RASAL2: variants seen among roughly 807,000 people sequenced by gnomAD.
RASAL2 encodes the protein RAS protein activator like 2, also known as ras GTPase-activating protein nGAP.
A neutral mutation model predicts 128.9 loss-of-function variants in RASAL2; 58 were observed. The ratio of observed to expected loss-of-function variants is 0.45; its 90% CI spans 0.36 to 0.56. The LOEUF (loss-of-function observed/expected upper bound fraction) is 0.56. RASAL2 is among the 20% of genes least tolerant of loss of function. The pLI is 0.00. For synonymous variants in RASAL2, 561 were observed against 580.8 expected, an observed-to-expected ratio of 0.97 and a Z score of 0.49; for missense variants, 1,360 against 1,601.6, an observed-to-expected ratio of 0.85 and a Z score of 2.57.
intron 3 of RASAL2, among the ~76,000 whole-genome samples, chr1:178,337,296 T>A (rs1375734076): frequency 6.6e-6 from 1 of 152,230 alleles, no homozygotes; most frequent in Non-Finnish European, 1.5e-5. Flanking sequence ...AGCAGAAGTA[T>A]GTATGTATGT....
intron 1 of RASAL2, among the ~76,000 whole-genome samples, chr1:178,240,052 A>G (rs1664429982): frequency 6.6e-6 from 1 of 151,982 alleles, no homozygotes. Context: ...ATACTTGATT[A>G]TTTTGTCTTT....
At chr1:178,161,291 A>G (rs1258446243) in intron 1 of RASAL2, among the ~76,000 whole-genome samples, 1 of 152,138 alleles carries the variant, frequency 6.6e-6, no homozygotes, top group African/African-American at 2.4e-5. Flanking sequence ...CCCCTCCCTC[A>G]GGCCCTGGCA....
chr1:178,265,224 A>G (rs2102148758), intron 1 of RASAL2, among the ~76,000 whole-genome samples: 1 of 152,226 alleles, frequency 6.6e-6, no homozygotes, highest in East Asian at 1.9e-4. Flanking sequence ...GGAACTATAT[A>G]GTCATGGTTC....
intron 17 of RASAL2, chr1:178,470,603 G>A (rs529669026): frequency 6.8e-4 from 723 of 1,062,386 alleles, no homozygotes; most frequent in South Asian, 1.8e-3. Flanking sequence ...TGACTCAGGT[G>A]GAGAACAGAG....
At chr1:178,166,504 T>C (rs2101903454) in intron 1 of RASAL2, among the ~76,000 whole-genome samples, 1 of 152,252 alleles carries the variant, frequency 6.6e-6, no homozygotes, top group East Asian at 1.9e-4. Flanking sequence ...CTTATGTGAG[T>C]AAATGAAGCC....
intron 2 of RASAL2, among the ~76,000 whole-genome samples, chr1:178,296,974 A>AT (rs71108042): frequency 0.25 from 37,225 of 147,768 alleles, 7,224 homozygotes; most frequent in African/African-American, 0.55. Flanking sequence ...CACCCAGCCA[A>AT]TTTTTTTTTT....
In RASAL2 at chr1:178,110,637, C is replaced by CATATATATATATATATATATAT. The variant is rs1553250958; in HGVS notation, c.202+15959_202+15960insATATATATATATATATATATAT. Among the ~76,000 whole-genome samples, 28 of 15,642 alleles carry CATATATATATATATATATATAT rather than the reference C, an allele frequency of 1.8e-3. No homozygotes were observed. The South Asian group carries it at 0.041, about 23-fold the overall frequency. The allele number at this position is 15,642 out of a possible 152,430, so 10.3% of individuals were successfully genotyped here. ...CTATATACACTATATATAGTGTATA[C>CATATATATATATATATATATAT]ATATATATATATATATGTATGTATA... On this transcript the variant is annotated intron_variant, in intron 1 of 17. Coordinates refer to ENST00000367649, the MANE Select transcript of RASAL2 (RefSeq NM_170692.4).
At chr1:178,341,618 T>C (rs753517243) in intron 3 of RASAL2, 1 of 1,613,962 alleles carries the variant, frequency 6.2e-7, no homozygotes, top group Non-Finnish European at 8.5e-7. Flanking sequence ...GGTAAGAGTT[T>C]GTAGAGTCTG....
At chr1:178,109,017 T>C (rs1402099568) in intron 1 of RASAL2, among the ~76,000 whole-genome samples, 1 of 152,198 alleles carries the variant, frequency 6.6e-6, no homozygotes, top group Non-Finnish European at 1.5e-5. Context: ...TCTATGCCTA[T>C]TACTTATGTT....
Position 178,473,545 on chromosome 1 carries a change from T to A in RASAL2, c.*306T>A, listed in dbSNP as rs1334252306. ...ATTACCTTTTTGATTATTGCTATTT[T>A]TATTATTGTTTTCCTCTTGTTGAAA... On this transcript the variant is annotated 3_prime_UTR_variant, in exon 18 of 18. Transcript: ENST00000367649. 1 of 363,364 alleles carries A rather than the reference T, an allele frequency of 2.8e-6. No individual in the cohort carries two copies. Among genetic ancestry groups the A allele is most frequent in the East Asian group, 6.5e-5 (1 of 15,446 alleles). The allele number at this position is 363,364 out of a possible 1,614,324, so 22.5% of individuals were successfully genotyped here. A position where few individuals can be genotyped will look rare whatever the true frequency, so the allele number is the denominator to read the frequency against.
intron 4 of RASAL2, among the ~76,000 whole-genome samples, chr1:178,396,934 A>C (rs1166287679): frequency 6.6e-6 from 1 of 152,138 alleles, no homozygotes; most frequent in African/African-American, 2.4e-5. Flanking sequence ...TTATTCATTA[A>C]GAAAAAAATC....
At chr1:178,449,327 A>C (rs925496734) in intron 9 of RASAL2, among the ~76,000 whole-genome samples, 2 of 152,152 alleles carry the variant, frequency 1.3e-5, no homozygotes, top group South Asian at 4.1e-4. Flanking sequence ...AGGAAATACT[A>C]TCTGTGAGAT....
intron 4 of RASAL2, among the ~76,000 whole-genome samples, chr1:178,406,212 G>A (rs1673988719): frequency 6.6e-6 from 1 of 152,200 alleles, no homozygotes; most frequent in Non-Finnish European, 1.5e-5. Flanking sequence ...ACGTCCATGA[G>A]TTGACAAATG....
chr1:178,260,379 T>A (rs868311166), intron 1 of RASAL2, among the ~76,000 whole-genome samples: 980 of 8,152 alleles, frequency 0.12, 225 homozygotes, highest in African/African-American at 0.21. Flanking sequence ...TATATATATA[T>A]ATATATATAT....
At chr1:178,331,152 G>A (rs1183035183) in intron 3 of RASAL2, among the ~76,000 whole-genome samples, 1 of 152,180 alleles carries the variant, frequency 6.6e-6, no homozygotes, top group East Asian at 1.9e-4. Context: ...TAGAAGTGGT[G>A]AGCAAAAGAG....
intron 9 of RASAL2, among the ~76,000 whole-genome samples, chr1:178,448,584 T>C (rs552141745): frequency 6.6e-6 from 1 of 152,232 alleles, no homozygotes; most frequent in South Asian, 2.1e-4. Flanking sequence ...GTCATTTACA[T>C]AAAGAGCTTA....
chr1:178,341,395 G>A, intron 3 of RASAL2: 1 of 1,373,464 alleles, frequency 7.3e-7, no homozygotes, highest in Non-Finnish European at 9.4e-7. Context: ...AATGGGATTG[G>A]GGGCGGGGTT....
intron 1 of RASAL2, among the ~76,000 whole-genome samples, chr1:178,213,623 G>A (rs1299141436): frequency 6.6e-6 from 1 of 151,818 alleles, no homozygotes; most frequent in African/African-American, 2.4e-5. Flanking sequence ...CAAGGCAAAG[G>A]AGTACATAAT....
At chr1:178,191,710 G>A (rs572307115) in intron 1 of RASAL2, among the ~76,000 whole-genome samples, 1 of 152,216 alleles carries the variant, frequency 6.6e-6, no homozygotes, top group South Asian at 2.1e-4. Flanking sequence ...TATCCCCAAA[G>A]GGCCTCTAGT....
Sources: allele counts gnomAD v4.1 joint callset (sites outside exome capture counted in the v4.1 genomes callset), GRCh38; gene constraint gnomAD v4.1.1; transcripts MANE v1.5; gene names NCBI Gene and HGNC (gene_info 2026-07-23, HGNC 2026-07-21).